Variants in GYS1 observed in about 807,000 individuals in gnomAD.
The protein encoded by GYS1 is glycogen [starch] synthase, muscle.
In GYS1, 60 loss-of-function variants were observed where a neutral mutation model predicts 89.1. The observed-to-expected ratio is 0.67, with a 90% CI of 0.55 to 0.84. The LOEUF (loss-of-function observed/expected upper bound fraction) is 0.84. Ranked by LOEUF, GYS1 falls within the 40% of genes least tolerant of loss-of-function variation. The probability of loss-of-function intolerance (pLI) is 0.00; values close to 1 mark genes in which losing one functional copy is unlikely to be tolerated. For missense variants in GYS1, 888 were observed against 1,003.1 expected (o/e 0.89, Z 1.55); for synonymous variants, 366 against 401.7 (o/e 0.91, Z 1.06).
At chr19:48,979,646 CTTTTTTT>C (rs56291141) in intron 8 of GYS1, among the ~76,000 whole-genome samples, 5 of 114,976 alleles carry the variant, frequency 4.3e-5, no homozygotes, top group South Asian at 2.9e-4. Flanking sequence ...CTCTTTCTTT[CTTTTTTT>C]TTTTTTTTTT....
intron 2 of GYS1, among the ~76,000 whole-genome samples, chr19:48,990,439 G>A (rs767397846): frequency 2.0e-5 from 3 of 151,990 alleles, no homozygotes; most frequent in Non-Finnish European, 4.4e-5. Context: ...AACATCTGGT[G>A]GCCTCTCTTC....
In GYS1 at chr19:48,973,643, C is replaced by G. The variant is rs528206833; in HGVS notation, c.1549+570G>C. On this transcript the variant is annotated intron_variant, in intron 12 of 15. Coordinates refer to ENST00000323798, the MANE Select transcript of GYS1 (RefSeq NM_002103.5). ...CAAGCAATTCTCTGCCTCAGCCTCCCAAGTAGCTGAGACTACAGGTGCGTA... is the reference window on the plus strand; with the variant it reads ...CAAGCAATTCTCTGCCTCAGCCTCCGAAGTAGCTGAGACTACAGGTGCGTA... Among the ~76,000 whole-genome samples, 17 of 151,994 alleles carry G rather than the reference C, an allele frequency of 1.1e-4. No individual in the cohort carries two copies. In the East Asian group the frequency reaches 3.1e-3, roughly 28 times the overall value.
chr19:48,990,009 G>GGGA (rs1555800161), intron 2 of GYS1, among the ~76,000 whole-genome samples: 3 of 150,166 alleles, frequency 2.0e-5, no homozygotes, highest in African/African-American at 7.4e-5. Flanking sequence ...GGGGGGGGGG[G>GGGA]GGGGCTATTC....
At chr19:48,985,798 T>C in intron 4 of GYS1, 52 bp downstream of exon 4, 1 of 1,599,612 alleles carries the variant, frequency 6.3e-7, no homozygotes, top group Middle Eastern at 2.1e-4. Context: ...CCCAGAGCTT[T>C]GGGTTTTCCT....
In GYS1 at chr19:48,975,312, G is replaced by T. The variant is rs144207776; in HGVS notation, c.1309-579C>A. Among the ~76,000 whole-genome samples the T allele has an allele frequency of 1.7e-3, 252 of 150,606 alleles. No homozygotes were observed. The South Asian group carries it at 0.017, about 10-fold the overall frequency. On this transcript the variant is annotated intron_variant, in intron 10 of 15. Coordinates refer to ENST00000323798, the MANE Select transcript of GYS1 (RefSeq NM_002103.5). ...TGGTCTCGAACTCATGGGCTCAAGC[G>T]ATGCATCCGTTTTGGCCTCCCGAAG...
At chr19:48,992,041 C>T (rs1250362783) in intron 1 of GYS1, among the ~76,000 whole-genome samples, 1 of 152,096 alleles carries the variant, frequency 6.6e-6, no homozygotes, top group Non-Finnish European at 1.5e-5. Context: ...TGACTAGGGA[C>T]ACCAGCATGC....
chr19:48,987,587 C>A (rs967813364), intron 2 of GYS1, among the ~76,000 whole-genome samples: 4 of 152,200 alleles, frequency 2.6e-5, no homozygotes, highest in African/African-American at 9.7e-5. Context: ...ATTCCTGCTA[C>A]ACATTTTTTC....
Position 48,980,691 on chromosome 19 carries a change from G to T in GYS1, c.1169+839C>A, listed in dbSNP as rs536915961. 2.0e-4 allele frequency among the ~76,000 whole-genome samples: 30 copies of T among 151,148 alleles called. No homozygotes were observed. The South Asian group carries it at 5.9e-3, about 29-fold the overall frequency. On this transcript the variant is annotated intron_variant, in intron 8 of 15. Transcript: ENST00000323798. ...AAAAAAAAATCAGAGAAAAGAAAAA[G>T]AAACTAAGCCAGGCGCAGTGGCTCA...
At chr19:48,989,246 C>T (rs2038886350) in intron 2 of GYS1, among the ~76,000 whole-genome samples, 1 of 151,730 alleles carries the variant, frequency 6.6e-6, no homozygotes, top group Non-Finnish European at 1.5e-5. Flanking sequence ...CTTTGGGGGG[C>T]CGAGGCGGGC....
rs893620671 is a variant in GYS1 at position 48,969,143 on chromosome 19, G to A, written c.*145C>T. 2.6e-5 allele frequency: 18 copies of A among 692,590 alleles called. No homozygotes were observed. In the African/African-American group the frequency reaches 3.0e-4, roughly 12 times the overall value. The allele number at this position is 692,590 out of a possible 1,614,324, so 42.9% of individuals were successfully genotyped here. ...GGAACTTGGAAACTGGAGCTGGAGGGGGTGGAGTGTTTGGCGGACTGGGTG... is the reference window on the plus strand; with the variant it reads ...GGAACTTGGAAACTGGAGCTGGAGGAGGTGGAGTGTTTGGCGGACTGGGTG... On this transcript the variant is annotated 3_prime_UTR_variant, in exon 16 of 16. Transcript: ENST00000323798.
intron 10 of GYS1, among the ~76,000 whole-genome samples, chr19:48,977,650 T>C (rs1442991582): frequency 2.0e-5 from 3 of 152,144 alleles, no homozygotes; most frequent in Admixed American, 1.3e-4. Flanking sequence ...CTTTTGCTCA[T>C]TGACCCCAGA....
chr19:48,970,400 A>G (rs776375093), intron 14 of GYS1, 146 bp downstream of exon 14: 8 of 713,624 alleles, frequency 1.1e-5, no homozygotes, highest in Non-Finnish European at 2.0e-5. Context: ...GATTACAACC[A>G]TGAGCCACCA....
Position 48,987,318 on chromosome 19 carries a change from G to A in GYS1, c.368C>T (p.Ala123Val). ...LVVLLDVGAS[A>V]WALERWKGEL... ...TCCCTTCCAGCGCTCCAGGGCCCAA[G>A]CTGAGGCACCCACGTCCAGGAGCAC... The change falls in exon 3 of 16, where the codon GCT becomes GTT. Residue 123 changes from alanine (A) to valine (V), a missense_variant. Transcript: ENST00000323798. 1.2e-6 allele frequency: 2 copies of A among 1,612,524 alleles called. 1 individual carries two copies. The highest frequency in any genetic ancestry group is 3.3e-4 in the Middle Eastern group (2 of 6,060).
chr19:48,982,568 TC>T (rs2038783203), intron 6 of GYS1, 151 bp downstream of exon 6: 1 of 851,234 alleles, frequency 1.2e-6, no homozygotes, highest in Non-Finnish European at 1.9e-6. Flanking sequence ...AGCCCATTGT[TC>T]CAGCGCTCAA....
chr19:48,983,720 G>C (rs1568623087), intron 5 of GYS1, among the ~76,000 whole-genome samples: 1 of 151,888 alleles, frequency 6.6e-6, no homozygotes, highest in Admixed American at 6.5e-5. Context: ...GGGCTGGGAA[G>C]AATGCCCAGT....
At position 48,991,623 on chromosome 19, in the gene GYS1, G is replaced by A. The variant is rs1297402986; in HGVS notation, c.119-140C>T. On this transcript the variant is annotated intron_variant, in intron 1 of 15. Coordinates refer to ENST00000323798, the MANE Select transcript of GYS1 (RefSeq NM_002103.5). The surrounding 1 kb of genome is among the most constrained non-coding windows in gnomAD (Gnocchi z 4.7). ...GGGAAGAGGGGACTGGGAGCCCATAGTTTGGAGTAGGGGTTGGAAGCTTGG... is the reference window on the plus strand; with the variant it reads ...GGGAAGAGGGGACTGGGAGCCCATAATTTGGAGTAGGGGTTGGAAGCTTGG... The A allele has an allele frequency of 4.6e-5, 40 of 871,614 alleles. No individual in the cohort carries two copies. Among genetic ancestry groups the A allele is most frequent in the Non-Finnish European group, 6.7e-5 (37 of 551,564 alleles). 54.0% of individuals were successfully genotyped at this position (871,614 alleles called of 1,614,324 possible). A position where few individuals can be genotyped will look rare whatever the true frequency, so the allele number is the denominator to read the frequency against.
At chr19:48,984,013 T>C (rs945363315) in intron 5 of GYS1, among the ~76,000 whole-genome samples, 57 of 152,184 alleles carry the variant, frequency 3.7e-4, no homozygotes, top group Admixed American at 6.5e-5. Flanking sequence ...GATTTTTCTT[T>C]TCGAGACAGA....
chr19:48,988,971 A>AT (rs1353835400), intron 2 of GYS1, among the ~76,000 whole-genome samples: 1 of 151,828 alleles, frequency 6.6e-6, no homozygotes, highest in African/African-American at 2.4e-5. Flanking sequence ...CTTTCATCAC[A>AT]TATCTGTCAC....
Position 48,981,643 on chromosome 19 carries a change from A to C in GYS1, c.1063-7T>G. On this transcript the variant is annotated splice_region_variant and splice_polypyrimidine_tract_variant and intron_variant, in intron 7 of 15. Transcript: ENST00000323798. ...TCTGCTCGCTGCCGTTCACCTGCGC[A>C]GAAAGAAAGGAGGGGGAGGCCAGGA... 1 of 1,587,264 alleles carries C rather than the reference A, an allele frequency of 6.3e-7. No homozygotes were observed. The highest frequency in any genetic ancestry group is 8.7e-7 in the Non-Finnish European group (1 of 1,155,558).
Sources: allele counts gnomAD v4.1 joint callset (sites outside exome capture counted in the v4.1 genomes callset), GRCh38; gene constraint gnomAD v4.1.1; non-coding constraint Gnocchi (gnomAD v3.1); transcripts MANE v1.5; gene names NCBI Gene and HGNC (gene_info 2026-07-23, HGNC 2026-07-21).